The following SCFD2 variants were observed in gnomAD, a reference collection of about 807,000 sequenced individuals.
The protein encoded by SCFD2 is sec1 family domain-containing protein 2.
SCFD2 carries 54 observed loss-of-function variants against 58.9 expected under a neutral mutation model. The observed-to-expected ratio is 0.92, with a 90% confidence interval of 0.74 to 1.15. SCFD2 has a LOEUF of 1.15. SCFD2 is among the 50% of genes most tolerant of loss of function. The pLI, the probability that SCFD2 is intolerant of heterozygous loss-of-function variation, is 0.00. For synonymous variants in SCFD2, 321 were observed against 335.9 expected (o/e 0.96, Z 0.49); for missense variants, 805 against 836.6 (o/e 0.96, Z 0.47).
chr4:53,018,087 T>C (rs1235225654), intron 5 of SCFD2, among the ~76,000 whole-genome samples: 2 of 152,220 alleles, frequency 1.3e-5, no homozygotes, highest in African/African-American at 4.8e-5. Flanking sequence ...TGTCTTCCCA[T>C]ACCAGAAGGT....
At chr4:52,953,079 TAAC>T (rs2109532515) in intron 5 of SCFD2, among the ~76,000 whole-genome samples, 1 of 152,250 alleles carries the variant, frequency 6.6e-6, no homozygotes, top group East Asian at 1.9e-4. Flanking sequence ...CGAATAACAG[TAAC>T]AACAACTACA....
At chr4:53,036,635 T>G (rs1201195623) in intron 5 of SCFD2, among the ~76,000 whole-genome samples, 1 of 150,282 alleles carries the variant, frequency 6.7e-6, no homozygotes, top group Non-Finnish European at 1.5e-5. Context: ...AAAGTGGGAG[T>G]TGAACAATGA....
chr4:53,295,091 C>CT (rs1156831846), intron 3 of SCFD2, among the ~76,000 whole-genome samples: 1 of 152,094 alleles, frequency 6.6e-6, no homozygotes, highest in Non-Finnish European at 1.5e-5. Flanking sequence ...CAGCTTTGTT[C>CT]TTTTTGCTTA....
chr4:53,213,274 T>C (rs1417938186), intron 4 of SCFD2, among the ~76,000 whole-genome samples: 6 of 152,160 alleles, frequency 3.9e-5, no homozygotes, highest in Non-Finnish European at 7.3e-5. Flanking sequence ...AATCCCTTTA[T>C]GTTTTATTGC....
chr4:53,292,845 A>G (rs1212319897), intron 3 of SCFD2, among the ~76,000 whole-genome samples: 1 of 150,534 alleles, frequency 6.6e-6, no homozygotes, highest in Non-Finnish European at 1.5e-5. Flanking sequence ...TGTGGTGGGG[A>G]ACATCATACA....
At chr4:53,202,301 G>T (rs75917749) in intron 4 of SCFD2, among the ~76,000 whole-genome samples, 6 of 152,098 alleles carry the variant, frequency 3.9e-5, no homozygotes, top group Non-Finnish European at 7.4e-5. Flanking sequence ...CCCATTGCTT[G>T]TTTTTCTCAG....
chr4:52,919,148 C>A (rs1252879761), intron 6 of SCFD2, among the ~76,000 whole-genome samples: 1 of 152,158 alleles, frequency 6.6e-6, no homozygotes, highest in Non-Finnish European at 1.5e-5. Context: ...GTCCTTATCA[C>A]GTGCAAGATA....
intron 5 of SCFD2, among the ~76,000 whole-genome samples, chr4:52,998,883 T>C (rs893357496): frequency 6.6e-6 from 1 of 152,214 alleles, no homozygotes; most frequent in Non-Finnish European, 1.5e-5. Context: ...TGGGGTGTTA[T>C]GATCCATTCC....
chr4:52,958,434 G>C (rs942840296), intron 5 of SCFD2, among the ~76,000 whole-genome samples: 1 of 152,110 alleles, frequency 6.6e-6, no homozygotes, highest in Non-Finnish European at 1.5e-5. Context: ...GGAGAGTGCC[G>C]GACAAGATGT....
In SCFD2 at chr4:52,873,771, T is replaced by TG; in HGVS notation, c.*197_*198insC. The TG allele has an allele frequency of 6.8e-6, 1 of 146,310 alleles. No homozygotes were observed. Among genetic ancestry groups the TG allele is most frequent in the South Asian group, 2.0e-4 (1 of 4,912 alleles). 9.1% of individuals were successfully genotyped at this position (146,310 alleles called of 1,614,324 possible). A position where few individuals can be genotyped will look rare whatever the true frequency, so the allele number is the denominator to read the frequency against. ...GTCGCCTTCAGGAAAATAAAAAAAC[T>TG]TTTTTTTTTTTTTTTTAAGAATCAC... On this transcript the variant is annotated 3_prime_UTR_variant, in exon 9 of 9. Coordinates refer to ENST00000401642, the MANE Select transcript of SCFD2 (RefSeq NM_152540.4).
chr4:52,918,304 A>G (rs990829138), intron 6 of SCFD2, among the ~76,000 whole-genome samples: 5 of 152,310 alleles, frequency 3.3e-5, no homozygotes, highest in South Asian at 2.1e-4. Context: ...TTTGTGTCCA[A>G]ATAAATCTCC....
chr4:53,023,013 T>A (rs575893827), intron 5 of SCFD2, among the ~76,000 whole-genome samples: 1 of 152,322 alleles, frequency 6.6e-6, no homozygotes, highest in African/African-American at 2.4e-5. Context: ...AAGAGCCACA[T>A]TAAACCTCTT....
intron 5 of SCFD2, among the ~76,000 whole-genome samples, chr4:53,142,973 T>C (rs1726215335): frequency 6.6e-6 from 1 of 152,190 alleles, no homozygotes; most frequent in Non-Finnish European, 1.5e-5. Flanking sequence ...TTATAAGATG[T>C]CTCTAAAACT....
intron 5 of SCFD2, among the ~76,000 whole-genome samples, chr4:52,961,299 G>A (rs1720847715): frequency 6.6e-6 from 1 of 152,124 alleles, no homozygotes; most frequent in Non-Finnish European, 1.5e-5. Context: ...TTCAGAGGAT[G>A]TAATCCCGAA....
intron 4 of SCFD2, among the ~76,000 whole-genome samples, chr4:53,216,036 G>C (rs1047942297): frequency 6.6e-5 from 10 of 152,182 alleles, no homozygotes; most frequent in African/African-American, 2.2e-4. Context: ...TGTGCTGCTG[G>C]ATTCGGTTCA....
chr4:53,058,888 A>C (rs1452815711), intron 5 of SCFD2, among the ~76,000 whole-genome samples: 1 of 152,168 alleles, frequency 6.6e-6, no homozygotes, highest in Admixed American at 6.6e-5. Flanking sequence ...ACTTGATGCA[A>C]GATAAAACGA....
intron 5 of SCFD2, among the ~76,000 whole-genome samples, chr4:53,143,930 G>T (rs577703401): frequency 1.3e-5 from 2 of 151,736 alleles, no homozygotes; most frequent in African/African-American, 4.8e-5. Flanking sequence ...CAATCCATAC[G>T]CATGGAAATT....
At chr4:52,975,568 G>A (rs1269931891) in intron 5 of SCFD2, among the ~76,000 whole-genome samples, 1 of 152,314 alleles carries the variant, frequency 6.6e-6, no homozygotes, top group South Asian at 2.1e-4. Flanking sequence ...TTTACACACT[G>A]TTGGTGGGAC....
intron 5 of SCFD2, among the ~76,000 whole-genome samples, chr4:53,064,322 T>TCCA: frequency 6.6e-6 from 1 of 152,062 alleles, no homozygotes; most frequent in Admixed American, 6.6e-5. Context: ...CATCTGTATG[T>TCCA]CCACCAACAC....
Sources: gnomAD v4.1 joint callset for allele counts (sites outside exome capture counted in the v4.1 genomes callset) on GRCh38, gnomAD v4.1.1 for gene constraint, MANE v1.5 for transcripts, NCBI Gene and HGNC (gene_info 2026-07-23, HGNC 2026-07-21) for gene names.